The following PRKAR1B variants were observed in gnomAD, a reference collection of about 807,000 sequenced individuals.
PRKAR1B encodes the protein cAMP-dependent protein kinase type I-beta regulatory subunit.
PRKAR1B carries 22 observed loss-of-function variants against 46.5 expected under a neutral mutation model. The ratio of observed to expected loss-of-function variants is 0.47; its 90% CI spans 0.34 to 0.68. The LOEUF is 0.68. Ranked by LOEUF, PRKAR1B falls within the 30% of genes least tolerant of loss-of-function variation. PRKAR1B has a pLI of 0.01. For synonymous variants in PRKAR1B, 259 were observed against 217.7 expected (o/e 1.19, Z -1.67); for missense variants, 445 against 535.6 (o/e 0.83, Z 1.67).
At chr7:566,134 C>G (rs1779110760) in intron 9 of PRKAR1B, among the ~76,000 whole-genome samples, 2 of 74,082 alleles carry the variant, frequency 2.7e-5, no homozygotes, top group African/African-American at 9.8e-5. Flanking sequence ...GTCACCACCG[C>G]TGCCACCTTT....
intron 6 of PRKAR1B, among the ~76,000 whole-genome samples, chr7:600,859 T>C (rs1781548169): frequency 6.6e-6 from 1 of 152,238 alleles, no homozygotes; most frequent in South Asian, 2.1e-4. Flanking sequence ...AAATGCTATG[T>C]TCCATGAATA....
chr7:648,040 G>A (rs1387777405), intron 4 of PRKAR1B, among the ~76,000 whole-genome samples: 1 of 151,712 alleles, frequency 6.6e-6, no homozygotes, highest in Non-Finnish European at 1.5e-5. Flanking sequence ...CAGGTACTTG[G>A]GAGGCTGAGG....
At chr7:555,022 A>C (rs1394076962) in intron 9 of PRKAR1B, among the ~76,000 whole-genome samples, 1 of 152,176 alleles carries the variant, frequency 6.6e-6, no homozygotes, top group Non-Finnish European at 1.5e-5. Context: ...GAGTCACCAC[A>C]GGCCACCCCT....
At chr7:622,334 CA>C (rs1359294658) in intron 4 of PRKAR1B, among the ~76,000 whole-genome samples, 3 of 152,260 alleles carry the variant, frequency 2.0e-5, no homozygotes, top group Non-Finnish European at 4.4e-5. Context: ...CCGCGCCACA[CA>C]GGGCCTCCCG....
chr7:662,014 C>T (rs1452709567), intron 4 of PRKAR1B, among the ~76,000 whole-genome samples: 7 of 69,684 alleles, frequency 1.0e-4, no homozygotes, highest in South Asian at 8.5e-4. Context: ...CACAGGTCCC[C>T]ACCCCAACGG....
chr7:550,146 C>G lies in PRKAR1B; in HGVS notation c.*284G>C, dbSNP rs1193629145. ...ACTGGCAGGGGTGGGGTGGGCCCCC[C>G]AGGAGAAGCCCACAGAGGCAGCCGG... On this transcript the variant is annotated 3_prime_UTR_variant, in exon 11 of 11. Coordinates refer to ENST00000537384, the MANE Select transcript of PRKAR1B (RefSeq NM_001164760.2). The G allele has an allele frequency of 2.4e-6, 1 of 424,498 alleles. No homozygotes were observed. Among genetic ancestry groups the G allele is most frequent in the African/African-American group, 2.1e-5 (1 of 48,436 alleles). The allele number at this position is 424,498 out of a possible 1,614,324, so 26.3% of individuals were successfully genotyped here. A position where few individuals can be genotyped will look rare whatever the true frequency, so the allele number is the denominator to read the frequency against.
chr7:580,764 C>A (rs867793286), intron 8 of PRKAR1B, among the ~76,000 whole-genome samples: 2,580 of 126,802 alleles, frequency 0.02, 44 homozygotes, highest in Middle Eastern at 0.071. Context: ...AAAAAAAAAA[C>A]AAACGTTTCC....
chr7:651,855 G>A (rs1784919947), intron 4 of PRKAR1B, among the ~76,000 whole-genome samples: 1 of 111,520 alleles, frequency 9.0e-6, no homozygotes, highest in Admixed American at 8.4e-5. Context: ...CTAGGAACCT[G>A]GGGAAACCCC....
intron 9 of PRKAR1B, among the ~76,000 whole-genome samples, chr7:575,738 A>G (rs564675259): frequency 1.3e-5 from 2 of 151,584 alleles, no homozygotes; most frequent in African/African-American, 2.4e-5. Flanking sequence ...TATGGTGCTG[A>G]TAATTTTTAA....
chr7:554,293 C>T (rs975001710), intron 9 of PRKAR1B, among the ~76,000 whole-genome samples: 1 of 152,268 alleles, frequency 6.6e-6, no homozygotes, highest in Non-Finnish European at 1.5e-5. Flanking sequence ...AGGCCAAGCC[C>T]CCGCACAGGA....
At chr7:661,208 CT>C (rs1785534419) in intron 4 of PRKAR1B, among the ~76,000 whole-genome samples, 2 of 122,846 alleles carry the variant, frequency 1.6e-5, no homozygotes, top group African/African-American at 3.3e-5. Flanking sequence ...TACTCTTTCC[CT>C]CCATGGCACA....
At chr7:607,803 A>G (rs1325140217) in intron 4 of PRKAR1B, 2 of 238,710 alleles carry the variant, frequency 8.4e-6, no homozygotes, top group African/African-American at 4.7e-5. Context: ...CGGTAAATAC[A>G]ATTCTACTAG....
chr7:624,419 A>G (rs952193193), intron 4 of PRKAR1B, among the ~76,000 whole-genome samples: 1 of 151,938 alleles, frequency 6.6e-6, no homozygotes, highest in Non-Finnish European at 1.5e-5. Context: ...GCAACAGAGC[A>G]AGACTCCATC....
chr7:570,544 G>A (rs564780412), intron 9 of PRKAR1B, among the ~76,000 whole-genome samples: 5 of 151,772 alleles, frequency 3.3e-5, no homozygotes, highest in Admixed American at 6.6e-5. Context: ...AGCAGTCCCC[G>A]AGCCCTCCCT....
At chr7:724,349 C>CT (rs1781175932) in intron 1 of PRKAR1B, among the ~76,000 whole-genome samples, 1 of 152,298 alleles carries the variant, frequency 6.6e-6, no homozygotes, top group East Asian at 1.9e-4. Context: ...GGGGGCAGGT[C>CT]TTTCCTGTGC....
At chr7:701,142 C>T (rs796181910) in intron 2 of PRKAR1B, among the ~76,000 whole-genome samples, 33 of 149,990 alleles carry the variant, frequency 2.2e-4, no homozygotes, top group African/African-American at 7.9e-4. Flanking sequence ...AAGCCGAGAT[C>T]GCACCACTGC....
At chr7:718,636 C>T (rs572436623) in intron 1 of PRKAR1B, among the ~76,000 whole-genome samples, 11 of 152,082 alleles carry the variant, frequency 7.2e-5, no homozygotes, top group African/African-American at 1.9e-4. Context: ...GGATTATAGA[C>T]GTGAGCCACT....
At chr7:554,736 G>C (rs1047958582) in intron 9 of PRKAR1B, among the ~76,000 whole-genome samples, 2 of 150,272 alleles carry the variant, frequency 1.3e-5, no homozygotes, top group Non-Finnish European at 3.0e-5. Flanking sequence ...GGAAGACAGG[G>C]GAGGCCACGG....
In PRKAR1B at chr7:607,468, C is replaced by T. The variant is rs973721293; in HGVS notation, c.441-16G>A. ...GAATATGTCACTGAAAAGCAAAACA[C>T]GCCAAATTAGGGCTGCAGGCAGCAC... On this transcript the variant is annotated splice_polypyrimidine_tract_variant and intron_variant, in intron 4 of 10. Transcript: ENST00000537384. 3.0e-5 allele frequency: 48 copies of T among 1,611,990 alleles called. No individual in the cohort carries two copies. Among genetic ancestry groups the T allele is most frequent in the African/African-American group, 6.7e-5 (5 of 74,888 alleles).
Sources: gnomAD v4.1 joint callset for allele counts (sites outside exome capture counted in the v4.1 genomes callset) on GRCh38, gnomAD v4.1.1 for gene constraint, MANE v1.5 for transcripts, NCBI Gene and HGNC (gene_info 2026-07-23, HGNC 2026-07-21) for gene names.